PCDHA3: variants seen among roughly 807,000 people sequenced by gnomAD.
The protein encoded by PCDHA3 is protocadherin alpha 3, also known as protocadherin alpha-3.
A neutral mutation model predicts 62.2 loss-of-function variants in PCDHA3; 41 were observed. The observed-to-expected ratio is 0.66, with a 90% CI of 0.51 to 0.86. The LOEUF is 0.86. Among genes scored for constraint, PCDHA3 ranks in the 40% least tolerant of loss-of-function variants. The pLI, the probability that PCDHA3 is intolerant of heterozygous loss-of-function variation, is 0.00. For missense variants in PCDHA3, 1,304 were observed against 1,241.2 expected (o/e 1.05, Z -0.76); for synonymous variants, 640 against 555.4 (o/e 1.15, Z -2.14).
intron 1 of PCDHA3, chr5:140,966,135 T>A (rs1456572936): frequency 1.2e-5 from 2 of 162,166 alleles, no homozygotes; most frequent in African/African-American, 4.8e-5. Context: ...CCCCTCAGTT[T>A]ATTTTCCTGA....
intron 3 of PCDHA3, among the ~76,000 whole-genome samples, chr5:140,991,929 C>T (rs1250639930): frequency 1.3e-5 from 2 of 152,088 alleles, no homozygotes; most frequent in South Asian, 2.1e-4. Flanking sequence ...ATAACATATT[C>T]ACAAGTTCTA....
intron 1 of PCDHA3, among the ~76,000 whole-genome samples, chr5:140,978,377 G>GT (rs1554239246): frequency 6.6e-6 from 1 of 152,212 alleles, no homozygotes; most frequent in Non-Finnish European, 1.5e-5. Context: ...GCAATAGTTT[G>GT]TTTTCCTCTC....
Position 140,850,778 on chromosome 5 carries a change from C to T in PCDHA3, c.2394+47187C>T, listed in dbSNP as rs2150497829. On this transcript the variant is annotated intron_variant, in intron 1 of 3. Coordinates refer to ENST00000522353, the MANE Select transcript of PCDHA3 (RefSeq NM_018906.3). ...AGAGGAGGCAGAGGGTGTGCTCTGGCGAGGGTAAGCAGAAGACCGACCTCA... is the reference window on the plus strand; with the variant it reads ...AGAGGAGGCAGAGGGTGTGCTCTGGTGAGGGTAAGCAGAAGACCGACCTCA... 6 of 1,597,938 alleles carry T rather than the reference C, an allele frequency of 3.8e-6. No individual in the cohort carries two copies. The East Asian group carries it at 1.1e-4, about 30-fold the overall frequency.
rs565233003 is a variant in PCDHA3 at position 140,851,830 on chromosome 5, T to C, written c.2394+48239T>C. 1.2e-5 allele frequency: 12 copies of C among 967,780 alleles called. No homozygotes were observed. In the African/African-American group the frequency reaches 2.1e-4, roughly 17 times the overall value. The allele number at this position is 967,780 out of a possible 1,614,324, so 59.9% of individuals were successfully genotyped here. On this transcript the variant is annotated intron_variant, in intron 1 of 3. Coordinates refer to ENST00000522353, the MANE Select transcript of PCDHA3 (RefSeq NM_018906.3). ...TCCATAAGACAGAAATCTGTTTTTT[T>C]AAAAATATCTTTTTCTCCTCTCAGC...
rs78166744 is a variant in PCDHA3, at chr5:140,875,394, G to A, written c.2394+71803G>A. Reference sequence around the variant, plus strand: ...TACTAAATATGTACTTACAGAAAAGGGTGACTGCTCATAAAATACCTCAGG... The same window carrying A: ...TACTAAATATGTACTTACAGAAAAGAGTGACTGCTCATAAAATACCTCAGG... On this transcript the variant is annotated intron_variant, in intron 1 of 3. Coordinates refer to ENST00000522353, the MANE Select transcript of PCDHA3 (RefSeq NM_018906.3). The A allele has an allele frequency of 1.4e-3, 2,104 of 1,476,976 alleles. 18 individuals carry two copies. The African/African-American group carries it at 0.02, about 14-fold the overall frequency. The allele number at this position is 1,476,976 out of a possible 1,614,324, so 91.5% of individuals were successfully genotyped here.
chr5:140,948,312 G>A (rs2094238308), intron 1 of PCDHA3, among the ~76,000 whole-genome samples: 1 of 151,400 alleles, frequency 6.6e-6, no homozygotes, highest in African/African-American at 2.4e-5. Context: ...TTCTTCTTGA[G>A]GGGTAATGTT....
At chr5:140,920,767 C>T (rs1484117906) in intron 1 of PCDHA3, among the ~76,000 whole-genome samples, 1 of 151,632 alleles carries the variant, frequency 6.6e-6, no homozygotes. Context: ...TTGCTTACAC[C>T]TGGGAGGTGG....
At chr5:140,825,851 A>T (rs1399797049) in intron 1 of PCDHA3, 3 of 151,876 alleles carry the variant, frequency 2.0e-5, no homozygotes, top group African/African-American at 7.3e-5. Context: ...CATGATACAA[A>T]CTCCCCTCTT....
In PCDHA3 at chr5:140,856,011, C is replaced by G. The variant is rs782812320; in HGVS notation, c.2394+52420C>G. On this transcript the variant is annotated intron_variant, in intron 1 of 3. Transcript: ENST00000522353. Reference sequence around the variant, plus strand: ...GTCAGATCGTATGTGCGTTCTAGACCGCTGATTCGTCGATTTGTAAAACAA... The same window carrying G: ...GTCAGATCGTATGTGCGTTCTAGACGGCTGATTCGTCGATTTGTAAAACAA... The G allele has an allele frequency of 1.4e-5, 22 of 1,546,178 alleles. 1 individual carries two copies. The highest frequency in any genetic ancestry group is 1.7e-4 in the Middle Eastern group (1 of 5,742).
At chr5:141,009,095 A>G (rs1304233331) in intron 3 of PCDHA3, among the ~76,000 whole-genome samples, 3 of 152,214 alleles carry the variant, frequency 2.0e-5, no homozygotes, top group Admixed American at 6.5e-5. Context: ...AGAACCAAAC[A>G]TATGTTACTA....
intron 1 of PCDHA3, among the ~76,000 whole-genome samples, chr5:140,922,043 C>T (rs1305034895): frequency 6.6e-6 from 1 of 152,068 alleles, no homozygotes; most frequent in East Asian, 1.9e-4. Flanking sequence ...AATTTTCCCA[C>T]ATACCTTCAA....
rs2150474836 is a variant in PCDHA3 at position 140,850,234 on chromosome 5, T to C, written c.2394+46643T>C. ...GGCACTGACGGCGCAGTGAGCGAGA[T>C]GGTGCTGCGGTCGGTGGGCGCCGGC... On this transcript the variant is annotated intron_variant, in intron 1 of 3. Transcript: ENST00000522353. The C allele has an allele frequency of 3.1e-6, 5 of 1,593,808 alleles. 1 individual carries two copies. The highest frequency in any genetic ancestry group is 4.3e-6 in the Non-Finnish European group (5 of 1,167,454).
rs146333783 is a variant in PCDHA3 at position 140,850,797 on chromosome 5, G to T, written c.2394+47206G>T. On this transcript the variant is annotated intron_variant, in intron 1 of 3. Transcript: ENST00000522353. ...CTCTGGCGAGGGTAAGCAGAAGACC[G>T]ACCTCATGGCCTTCAGCCCGGGCCT... 279 of 1,598,230 alleles carry T rather than the reference G, an allele frequency of 1.7e-4. 20 individuals carry two copies. The highest frequency in any genetic ancestry group is 2.3e-4 in the Non-Finnish European group (264 of 1,167,772).
At chr5:140,844,298 G>A (rs1779310568) in intron 1 of PCDHA3, among the ~76,000 whole-genome samples, 1 of 149,300 alleles carries the variant, frequency 6.7e-6, no homozygotes, top group Admixed American at 6.7e-5. Flanking sequence ...AAATTTGATA[G>A]TTTTCATATT....
rs1554164208 is a variant in PCDHA3 at position 140,870,406 on chromosome 5, T to G, written c.2394+66815T>G. ...GCGGGATGGGGGTTCGCCTTCTCTG[T>G]GGGCCACGGCCAGGGTATCCGTGGA... On this transcript the variant is annotated intron_variant, in intron 1 of 3. Transcript: ENST00000522353. 1.2e-5 allele frequency: 20 copies of G among 1,614,192 alleles called. No individual in the cohort carries two copies. The highest frequency in any genetic ancestry group is 1.5e-5 in the Non-Finnish European group (18 of 1,180,034).
intron 1 of PCDHA3, among the ~76,000 whole-genome samples, chr5:140,950,613 A>G (rs980395914): frequency 3.3e-5 from 5 of 152,064 alleles, no homozygotes; most frequent in African/African-American, 1.2e-4. Context: ...TGATGTGCTT[A>G]TTTATGCTTT....
chr5:140,884,824 T>A, intron 1 of PCDHA3: 1 of 993,590 alleles, frequency 1.0e-6, no homozygotes, highest in Non-Finnish European at 1.4e-6. Context: ...ACATTATGTG[T>A]TGGATTATCC....
chr5:140,982,917 C>T (rs2097016226), intron 3 of PCDHA3, among the ~76,000 whole-genome samples: 1 of 151,626 alleles, frequency 6.6e-6, no homozygotes, highest in Non-Finnish European at 1.5e-5. Context: ...ACAGAGATGA[C>T]ACTGTTAACA....
intron 1 of PCDHA3, among the ~76,000 whole-genome samples, chr5:140,965,427 G>A (rs1336088571): frequency 6.6e-6 from 1 of 152,104 alleles, no homozygotes; most frequent in Non-Finnish European, 1.5e-5. Flanking sequence ...AAGATAAGCT[G>A]CAGTCATTGA....
Sources: allele counts gnomAD v4.1 joint callset (sites outside exome capture counted in the v4.1 genomes callset), GRCh38; gene constraint gnomAD v4.1.1; transcripts MANE v1.5; gene names NCBI Gene and HGNC (gene_info 2026-07-23, HGNC 2026-07-21).